The following TENM2 variants were observed in gnomAD, a reference collection of about 807,000 sequenced individuals.
TENM2 encodes teneurin-2.
A neutral mutation model predicts 245.2 loss-of-function variants in TENM2; 52 were observed. The observed-to-expected ratio is 0.21, with a 90% CI of 0.17 to 0.27. The LOEUF is 0.27. Ranked by LOEUF, TENM2 falls within the 10% of genes least tolerant of loss-of-function variation. The probability of loss-of-function intolerance (pLI) is 1.00; values close to 1 mark genes in which losing one functional copy is unlikely to be tolerated. For synonymous variants in TENM2, 1,363 were observed against 1,438.9 expected (o/e 0.95, Z 1.19); for missense variants, 3,046 against 3,666.8 (o/e 0.83, Z 4.37).
the TENM2 span, among the ~76,000 whole-genome samples, chr5:167,266,726 A>G: frequency 6.6e-6 from 1 of 152,338 alleles, no homozygotes; most frequent in South Asian, 2.1e-4. Flanking sequence ...AGAGATAGCA[A>G]ATATCAAGTA....
At chr5:167,871,816 T>C (rs1772851549) in intron 2 of TENM2, among the ~76,000 whole-genome samples, 1 of 152,182 alleles carries the variant, frequency 6.6e-6, no homozygotes, top group Non-Finnish European at 1.5e-5. Flanking sequence ...TACCTGCCCA[T>C]GCCACACTGA....
At chr5:167,072,577 G>A in the TENM2 span, among the ~76,000 whole-genome samples, 1 of 152,224 alleles carries the variant, frequency 6.6e-6, no homozygotes, top group East Asian at 1.9e-4. Flanking sequence ...GCCGGGCACT[G>A]TGCCAAGTGC....
intron 12 of TENM2, chr5:168,129,027 C>G (rs1754324216): frequency 6.6e-6 from 1 of 150,710 alleles, no homozygotes; most frequent in Non-Finnish European, 1.5e-5. Flanking sequence ...GGGAGAAAAG[C>G]AAGGCAGGTC....
At chr5:167,078,024 A>G in the TENM2 span, among the ~76,000 whole-genome samples, 3 of 152,038 alleles carry the variant, frequency 2.0e-5, no homozygotes, top group Admixed American at 2.0e-4. Flanking sequence ...TGTTTTGACT[A>G]GAACACTAAA....
At chr5:167,406,297 A>G (rs1437224286) in intron 2 of TENM2, among the ~76,000 whole-genome samples, 3 of 152,162 alleles carry the variant, frequency 2.0e-5, no homozygotes, top group Non-Finnish European at 2.9e-5. Context: ...CTGCTTCTTT[A>G]CAGCCTGACA....
chr5:167,686,482 A>G (rs1757085005), intron 2 of TENM2, among the ~76,000 whole-genome samples: 1 of 152,170 alleles, frequency 6.6e-6, no homozygotes, highest in Admixed American at 6.5e-5. Flanking sequence ...TTCTTTAGGT[A>G]GTGTCTGCAT....
At chr5:167,932,996 A>G (rs1454194493) in intron 3 of TENM2, among the ~76,000 whole-genome samples, 1 of 151,980 alleles carries the variant, frequency 6.6e-6, no homozygotes, top group Non-Finnish European at 1.5e-5. Context: ...GCAAGAATTC[A>G]TTTTTCAAAT....
intron 4 of TENM2, among the ~76,000 whole-genome samples, chr5:167,981,925 C>T (rs1347003151): frequency 6.7e-6 from 1 of 148,462 alleles, no homozygotes; most frequent in African/African-American, 2.5e-5. Flanking sequence ...CATGAGCTGA[C>T]ATCACACCAC....
intron 13 of TENM2, among the ~76,000 whole-genome samples, chr5:168,166,230 G>C (rs114212055): frequency 2.9e-4 from 44 of 152,024 alleles, no homozygotes; most frequent in Admixed American, 5.9e-4. Flanking sequence ...ATGCAGACCC[G>C]GGGAGCAGCA....
chr5:167,888,462 A>G (rs1404283117), intron 3 of TENM2, among the ~76,000 whole-genome samples: 1 of 152,180 alleles, frequency 6.6e-6, no homozygotes, highest in Non-Finnish European at 1.5e-5. Flanking sequence ...TATTTGCAAT[A>G]TCCAAAGAAT....
At chr5:167,537,625 G>A (rs1224704223) in intron 2 of TENM2, among the ~76,000 whole-genome samples, 1 of 152,172 alleles carries the variant, frequency 6.6e-6, no homozygotes, top group African/African-American at 2.4e-5. Context: ...AAAAGTCATG[G>A]CTTTCTACCT....
intron 2 of TENM2, among the ~76,000 whole-genome samples, chr5:167,706,996 C>G (rs960962456): frequency 8.3e-6 from 1 of 120,606 alleles, no homozygotes; most frequent in Non-Finnish European, 1.6e-5. Context: ...TCCTGGGCGA[C>G]AGAGTGAGAC....
chr5:168,011,147 G>A (rs1785189524), intron 5 of TENM2, among the ~76,000 whole-genome samples: 1 of 152,204 alleles, frequency 6.6e-6, no homozygotes, highest in African/African-American at 2.4e-5. Context: ...TAATGAGGTG[G>A]TCAGGGTCCT....
intron 2 of TENM2, among the ~76,000 whole-genome samples, chr5:167,844,340 C>T (rs1375616156): frequency 6.6e-6 from 1 of 152,214 alleles, no homozygotes; most frequent in Admixed American, 6.5e-5. Flanking sequence ...AAATGTTTCA[C>T]ATATTGATTG....
At chr5:167,629,282 C>T (rs961366133) in intron 2 of TENM2, among the ~76,000 whole-genome samples, 1 of 152,208 alleles carries the variant, frequency 6.6e-6, no homozygotes, top group African/African-American at 2.4e-5. Context: ...TTAATGTCTA[C>T]ATGCCTCGGT....
At chr5:166,983,292 G>A in the TENM2 span, among the ~76,000 whole-genome samples, 1 of 152,002 alleles carries the variant, frequency 6.6e-6, no homozygotes, top group Non-Finnish European at 1.5e-5. Flanking sequence ...CTGAAATACT[G>A]CATCCTTTTT....
At chr5:167,398,412 T>C (rs201917768) in intron 2 of TENM2, among the ~76,000 whole-genome samples, 5 of 112,942 alleles carry the variant, frequency 4.4e-5, no homozygotes, top group Admixed American at 3.9e-4. Flanking sequence ...CTTTCTTTCT[T>C]TCTCTCTCTC....
intron 2 of TENM2, among the ~76,000 whole-genome samples, chr5:167,695,689 G>T (rs1282552033): frequency 2.6e-5 from 4 of 150,980 alleles, no homozygotes; most frequent in Non-Finnish European, 5.9e-5. Flanking sequence ...CCCTCTATCT[G>T]TGGCTACTAA....
chr5:167,459,606 G>T (rs1018030397), intron 2 of TENM2, among the ~76,000 whole-genome samples: 1 of 152,188 alleles, frequency 6.6e-6, no homozygotes, highest in Admixed American at 6.5e-5. Flanking sequence ...TTTCCATACT[G>T]ATCATACCAT....
Sources: allele counts gnomAD v4.1 joint callset (sites outside exome capture counted in the v4.1 genomes callset), GRCh38; gene constraint gnomAD v4.1.1; transcripts MANE v1.5; gene names NCBI Gene and HGNC (gene_info 2026-07-23, HGNC 2026-07-21).